DENND4C: variants seen among roughly 807,000 people sequenced by gnomAD.
DENND4C encodes the protein DENN domain containing 4C.
A neutral mutation model predicts 203.0 loss-of-function variants in DENND4C; 108 were observed. The observed-to-expected ratio is 0.53, with a 90% CI of 0.46 to 0.62. DENND4C has a LOEUF of 0.62. DENND4C is among the 20% of genes least tolerant of loss of function. The pLI, the probability that DENND4C is intolerant of heterozygous loss-of-function variation, is 0.00. For synonymous variants in DENND4C, 871 were observed against 792.4 expected (o/e 1.10, Z -1.67); for missense variants, 2,481 against 2,301.2 (o/e 1.08, Z -1.60).
intron 9 of DENND4C, among the ~76,000 whole-genome samples, chr9:19,302,170 A>G (rs970229400): frequency 1.3e-5 from 2 of 152,218 alleles, no homozygotes; most frequent in African/African-American, 4.8e-5. Flanking sequence ...TTTATAAGTC[A>G]TGATTTGGTA....
chr9:19,307,263 T>C (rs1343886327), intron 10 of DENND4C, among the ~76,000 whole-genome samples: 1 of 151,466 alleles, frequency 6.6e-6, no homozygotes, highest in East Asian at 1.9e-4. Context: ...GGAGTGGTGG[T>C]GCGTGCCTGT....
At chr9:19,304,538 C>T (rs7855031) in intron 9 of DENND4C, among the ~76,000 whole-genome samples, 119,932 of 150,282 alleles carry the variant, frequency 0.8, 48,353 homozygotes, top group East Asian at 0.99. Flanking sequence ...TGAAGAGTTA[C>T]GAATTTTTTT....
chr9:19,307,393 CA>C (rs753710246), intron 10 of DENND4C, among the ~76,000 whole-genome samples: 4,132 of 58,402 alleles, frequency 0.071, 47 homozygotes, highest in African/African-American at 0.098. Flanking sequence ...GACTCTGTCT[CA>C]AAAAAAAAAA....
chr9:19,263,218 GT>G (rs1290291090), intron 1 of DENND4C, among the ~76,000 whole-genome samples: 1 of 152,100 alleles, frequency 6.6e-6, no homozygotes, highest in Admixed American at 6.5e-5. Context: ...CTTTTATTCT[GT>G]TGATAGGCTG....
At chr9:19,291,714 A>G (rs1460935633) in intron 5 of DENND4C, among the ~76,000 whole-genome samples, 1 of 152,148 alleles carries the variant, frequency 6.6e-6, no homozygotes, top group Non-Finnish European at 1.5e-5. Context: ...AAAAAAAAAA[A>G]AAAAAAAATA....
Position 19,346,591 on chromosome 9 carries a change from T to G in DENND4C, c.3822T>G (p.Ser1274=), listed in dbSNP as rs1345566718. ...CTGATTCTGAAGATAAGTTGTTTTCTCCAGTTATTGCACGTAATCTGGCTG... is the reference window on the plus strand; with the variant it reads ...CTGATTCTGAAGATAAGTTGTTTTCGCCAGTTATTGCACGTAATCTGGCTG... ...KTPDSEDKLF[S]PVIARNLADE... The change falls in exon 23 of 33, where the codon TCT becomes TCG. Residue 1274 remains serine, a synonymous_variant. Transcript: ENST00000434457. 6.2e-7 allele frequency: 1 copy of G among 1,614,184 alleles called. No individual in the cohort carries two copies. The highest frequency in any genetic ancestry group is 8.5e-7 in the Non-Finnish European group (1 of 1,180,034).
intron 1 of DENND4C, among the ~76,000 whole-genome samples, chr9:19,272,635 C>T (rs898734203): frequency 2.0e-5 from 3 of 151,976 alleles, no homozygotes; most frequent in African/African-American, 7.3e-5. Flanking sequence ...TTATACCTCA[C>T]GCCATATGCA....
intron 18 of DENND4C, 102 bp downstream of exon 18, chr9:19,335,207 A>G (rs1271173303): frequency 2.7e-6 from 2 of 746,650 alleles, no homozygotes; most frequent in East Asian, 7.7e-5. Context: ...AAGTTTTGGG[A>G]TATAATTTTT....
chr9:19,258,441 C>T lies in DENND4C; in HGVS notation c.-17-17717C>T, dbSNP rs10964070. 4.9e-3 allele frequency among the ~76,000 whole-genome samples: 749 copies of T among 152,226 alleles called. 9 individuals carry two copies. Among genetic ancestry groups the T allele is most frequent in the Admixed American group, 0.036 (549 of 15,288 alleles). ...TTCCTCGTTAACATATATAAAATTT[C>T]ACACAAAATTGTAGCAAATAGAATT... On this transcript the variant is annotated intron_variant, in intron 1 of 32. Coordinates refer to ENST00000434457, the MANE Select transcript of DENND4C (RefSeq NM_001330640.2).
intron 1 of DENND4C, among the ~76,000 whole-genome samples, chr9:19,237,980 T>C (rs911962517): frequency 3.3e-5 from 5 of 152,108 alleles, no homozygotes; most frequent in Admixed American, 2.0e-4. Flanking sequence ...TTTCTGACAG[T>C]TCTGGAAAGT....
chr9:19,367,847 A>T (rs553760205), intron 30 of DENND4C, among the ~76,000 whole-genome samples: 2 of 152,256 alleles, frequency 1.3e-5, no homozygotes, highest in Non-Finnish European at 2.9e-5. Context: ...TATGTACAAC[A>T]CAGTTGAATC....
At chr9:19,235,822 T>C (rs572794581) in intron 1 of DENND4C, among the ~76,000 whole-genome samples, 2 of 152,142 alleles carry the variant, frequency 1.3e-5, no homozygotes, top group South Asian at 4.2e-4. Flanking sequence ...GTGGTCTCGA[T>C]CTTTTGACCT....
chr9:19,315,365 T>C (rs1312536587), intron 10 of DENND4C, among the ~76,000 whole-genome samples: 1 of 151,844 alleles, frequency 6.6e-6, no homozygotes, highest in Non-Finnish European at 1.5e-5. Flanking sequence ...CGTGAAGATG[T>C]CCCCAATTTT....
chr9:19,276,101 A>C, intron 1 of DENND4C, 57 bp from the exon 2 acceptor site: 3 of 912,318 alleles, frequency 3.3e-6, no homozygotes, highest in Non-Finnish European at 4.3e-6. Context: ...GGATATATTA[A>C]TTTTTGTCAG....
chr9:19,292,821 C>T (rs545738953), intron 5 of DENND4C, among the ~76,000 whole-genome samples: 74 of 152,294 alleles, frequency 4.9e-4, no homozygotes, highest in African/African-American at 1.8e-3. Context: ...GCTGGGATTA[C>T]AGGTGTCAGC....
chr9:19,335,288 A>G (rs1358260196), intron 18 of DENND4C, among the ~76,000 whole-genome samples, 183 bp downstream of exon 18: 1 of 152,144 alleles, frequency 6.6e-6, no homozygotes, highest in Non-Finnish European at 1.5e-5. Context: ...TGATGTTTTG[A>G]GATATGTATA....
intron 3 of DENND4C, among the ~76,000 whole-genome samples, chr9:19,287,274 T>G (rs979335884): frequency 3.3e-5 from 5 of 152,226 alleles, no homozygotes; most frequent in African/African-American, 9.6e-5. Context: ...AACAAAGGTT[T>G]TATTCACTTT....
chr9:19,251,701 C>G (rs1220562655), intron 1 of DENND4C, among the ~76,000 whole-genome samples: 3 of 152,200 alleles, frequency 2.0e-5, no homozygotes, highest in Admixed American at 6.5e-5. Context: ...AATCATCTCT[C>G]TCAAGTTCAA....
chr9:19,247,663 G>C (rs1436400832), intron 1 of DENND4C, among the ~76,000 whole-genome samples: 1 of 152,116 alleles, frequency 6.6e-6, no homozygotes, highest in Non-Finnish European at 1.5e-5. Flanking sequence ...CAAAGGACTA[G>C]GTTTATAGGT....
Sources: allele counts gnomAD v4.1 joint callset (sites outside exome capture counted in the v4.1 genomes callset), GRCh38; gene constraint gnomAD v4.1.1; transcripts MANE v1.5; gene names NCBI Gene and HGNC (gene_info 2026-07-23, HGNC 2026-07-21).